The following JPH3 variants were observed in gnomAD, a reference collection of about 807,000 sequenced individuals.
JPH3 encodes junctophilin-3.
JPH3 carries 11 observed loss-of-function variants against 59.6 expected under a neutral mutation model. That is an observed-to-expected ratio of 0.18 (90% CI 0.12 to 0.31). JPH3 has a LOEUF of 0.31. Ranked by LOEUF, JPH3 falls within the 10% of genes least tolerant of loss-of-function variation. JPH3 has a pLI of 1.00. For synonymous variants in JPH3, 673 were observed against 483.6 expected (o/e 1.39, Z -5.14); for missense variants, 1,202 against 1,105.7 (o/e 1.09, Z -1.24).
chr16:87,633,712 T>C (rs2031639479), intron 1 of JPH3, among the ~76,000 whole-genome samples: 1 of 151,766 alleles, frequency 6.6e-6, no homozygotes, highest in African/African-American at 2.4e-5. Flanking sequence ...GGCAGGAGAA[T>C]CGCTTAAACC....
intron 1 of JPH3, among the ~76,000 whole-genome samples, chr16:87,613,847 C>G (rs2030830558): frequency 6.6e-6 from 1 of 152,162 alleles, no homozygotes; most frequent in Admixed American, 6.5e-5. Flanking sequence ...AAGATAATGC[C>G]TTGAGATAAG....
At chr16:87,693,774 C>T (rs760795512) in intron 4 of JPH3, 2 of 152,464 alleles carry the variant, frequency 1.3e-5, no homozygotes, top group African/African-American at 2.4e-5. Flanking sequence ...AGCATACAGT[C>T]GGGGGTGCCC....
In JPH3 at chr16:87,633,794, T is replaced by C. The variant is rs561354629; in HGVS notation, c.383-10464T>C. 1.2e-4 allele frequency among the ~76,000 whole-genome samples: 18 copies of C among 151,514 alleles called. 1 individual carries two copies. The highest frequency in any genetic ancestry group is 6.2e-4 in the South Asian group (3 of 4,812). ...GCCTGGGCGACAGAATGAGACTCCA[T>C]TGCGAAAAATAAAAAAAATCTGGTG... On this transcript the variant is annotated intron_variant, in intron 1 of 4. Transcript: ENST00000284262.
intron 1 of JPH3, among the ~76,000 whole-genome samples, chr16:87,612,379 C>T (rs770144295): frequency 1.3e-5 from 2 of 151,632 alleles, no homozygotes; most frequent in Non-Finnish European, 2.9e-5. Context: ...CCCACCTTGG[C>T]CTCCTGAAGT....
chr16:87,644,645 C>G lies in JPH3; in HGVS notation c.770C>G (p.Ala257Gly), dbSNP rs747404678. The change falls in exon 2 of 5, where the codon GCC (alanine) becomes GGC (glycine). Residue 257 changes from alanine (A) to glycine (G), a missense_variant. Coordinates refer to ENST00000284262, the MANE Select transcript of JPH3 (RefSeq NM_020655.4). Reference sequence around the variant, plus strand: ...GGCATGAGCACCGTCAGCTCCACGGCCAGCGACATCCACTCCACCATCAGC... The same window carrying G: ...GGCATGAGCACCGTCAGCTCCACGGGCAGCGACATCCACTCCACCATCAGC... ...EAGMSTVSST[A>G]SDIHSTISLG... The G allele has an allele frequency of 3.7e-6, 6 of 1,611,814 alleles. No individual in the cohort carries two copies. Among genetic ancestry groups the G allele is most frequent in the Non-Finnish European group, 4.2e-6 (5 of 1,179,892 alleles).
At chr16:87,631,403 G>A (rs533543415) in intron 1 of JPH3, among the ~76,000 whole-genome samples, 23 of 152,314 alleles carry the variant, frequency 1.5e-4, no homozygotes, top group Admixed American at 4.6e-4. Flanking sequence ...AATTTGGGGC[G>A]GTGGGGGTGC....
intron 2 of JPH3, among the ~76,000 whole-genome samples, chr16:87,673,031 G>C (rs182521826): frequency 6.8e-4 from 103 of 152,060 alleles, no homozygotes; most frequent in African/African-American, 2.3e-3. Flanking sequence ...ACGTAATCCC[G>C]GCTACTTGGG....
At chr16:87,643,386 CCTT>C (rs1418352368) in intron 1 of JPH3, among the ~76,000 whole-genome samples, 3 of 149,938 alleles carry the variant, frequency 2.0e-5, no homozygotes, top group South Asian at 2.1e-4. Context: ...CCCCACCCTC[CCTT>C]CTTCTGGGGA....
intron 3 of JPH3, among the ~76,000 whole-genome samples, chr16:87,685,753 A>G (rs1169366106): frequency 6.6e-6 from 1 of 152,224 alleles, no homozygotes; most frequent in African/African-American, 2.4e-5. Flanking sequence ...TGCGACTCAC[A>G]TTCCACTGCC....
chr16:87,624,345 CGA>C lies in JPH3; in HGVS notation c.383-19910_383-19909del, dbSNP rs200745230. ...CCCACGGCTCCCCACCCCTGGTGACCGAGACTCCATTTTCTGTCTTTGTGGGT... is the reference window on the plus strand; with the variant it reads ...CCCACGGCTCCCCACCCCTGGTGACCGACTCCATTTTCTGTCTTTGTGGGT... On this transcript the variant is annotated intron_variant, in intron 1 of 4. Coordinates refer to ENST00000284262, the MANE Select transcript of JPH3 (RefSeq NM_020655.4). Among the ~76,000 whole-genome samples the C allele has an allele frequency of 4.7e-3, 715 of 152,278 alleles. 1 individual carries two copies. The highest frequency in any genetic ancestry group is 8.1e-3 in the South Asian group (39 of 4,818).
At position 87,671,246 on chromosome 16, in the gene JPH3, C is replaced by T. The variant is rs1224987688; in HGVS notation, c.1161-12896C>T. ...CTAGCATGCTCTCACCTGCCTGCCCCAGAGACCAAGCCCCACCTGGCCCCT... is the reference window on the plus strand; with the variant it reads ...CTAGCATGCTCTCACCTGCCTGCCCTAGAGACCAAGCCCCACCTGGCCCCT... On this transcript the variant is annotated intron_variant, in intron 2 of 4. Transcript: ENST00000284262. Among the ~76,000 whole-genome samples the T allele has an allele frequency of 2.0e-5, 3 of 152,142 alleles. No homozygotes were observed. In the East Asian group the frequency reaches 5.8e-4, roughly 29 times the overall value.
At chr16:87,696,550 C>T (rs202244595) in intron 4 of JPH3, 30 bp from the exon 5 acceptor site, 134 of 1,598,786 alleles carry the variant, frequency 8.4e-5, no homozygotes, top group Admixed American at 5.5e-4. Context: ...CCGCAGCTGT[C>T]GCTCACCTCT....
intron 2 of JPH3, among the ~76,000 whole-genome samples, chr16:87,660,428 C>A (rs1200677869): frequency 1.3e-5 from 2 of 152,146 alleles, no homozygotes; most frequent in Non-Finnish European, 2.9e-5. Flanking sequence ...GAGCCTCTCC[C>A]AGGGCTCTGT....
intron 1 of JPH3, among the ~76,000 whole-genome samples, chr16:87,635,565 C>G (rs74628968): frequency 0.16 from 24,806 of 152,104 alleles, 2,422 homozygotes; most frequent in Non-Finnish European, 0.22. Flanking sequence ...GATCTCCGAG[C>G]AGGGTCCCTT....
chr16:87,625,604 CTA>C (rs1285090599), intron 1 of JPH3, among the ~76,000 whole-genome samples: 1 of 152,172 alleles, frequency 6.6e-6, no homozygotes, highest in African/African-American at 2.4e-5. Context: ...ACCTGTTGCC[CTA>C]TGTCTCACAG....
rs2031400077 is a variant in JPH3, at chr16:87,626,939, A to C, written c.383-17319A>C. Among the ~76,000 whole-genome samples, 6 of 152,234 alleles carry C rather than the reference A, an allele frequency of 3.9e-5. 1 individual carries two copies. The highest frequency in any genetic ancestry group is 8.8e-5 in the Non-Finnish European group (6 of 68,050). On this transcript the variant is annotated intron_variant, in intron 1 of 4. Transcript: ENST00000284262. ...AAGGATCTCTTGAGGCCAGGAGTTC[A>C]AGACCAGCCTGGACAACATAGTGAA...
intron 2 of JPH3, among the ~76,000 whole-genome samples, chr16:87,659,718 G>C (rs2150858269): frequency 6.6e-6 from 1 of 151,852 alleles, no homozygotes. Context: ...GGGCAACAAA[G>C]CAAGACTCCA....
chr16:87,667,133 G>C (rs112278522), intron 2 of JPH3, among the ~76,000 whole-genome samples: 1 of 152,200 alleles, frequency 6.6e-6, no homozygotes, highest in East Asian at 1.9e-4. Context: ...GAGTGGCCAC[G>C]TCACTTGTTG....
intron 2 of JPH3, among the ~76,000 whole-genome samples, chr16:87,649,400 G>C (rs2032258801): frequency 6.6e-6 from 1 of 152,246 alleles, no homozygotes; most frequent in Admixed American, 6.5e-5. Context: ...TGCCTGTCCT[G>C]AATGCCTCGC....
Sources: allele counts gnomAD v4.1 joint callset (sites outside exome capture counted in the v4.1 genomes callset), GRCh38; gene constraint gnomAD v4.1.1; transcripts MANE v1.5; gene names NCBI Gene and HGNC (gene_info 2026-07-23, HGNC 2026-07-21).